The following UBE4B variants were observed in gnomAD, a reference collection of about 807,000 sequenced individuals.
UBE4B encodes the protein ubiquitin conjugation factor E4 B.
Under a neutral mutation model 148.1 loss-of-function variants are expected in UBE4B, and 27 were observed. The observed-to-expected ratio is 0.18, with a 90% CI of 0.13 to 0.25. The LOEUF (loss-of-function observed/expected upper bound fraction) is 0.25. Among genes scored for constraint, UBE4B ranks in the 10% least tolerant of loss-of-function variants. The pLI is 1.00. For synonymous variants in UBE4B, 596 were observed against 619.3 expected (o/e 0.96, Z 0.56); for missense variants, 1,170 against 1,662.4 (o/e 0.70, Z 5.15).
At position 10,106,203 on chromosome 1, in the gene UBE4B, T is replaced by C. The variant is rs1372400729; in HGVS notation, c.816T>C (p.Tyr272=). ...CCTTTCTCAACTAATTTAGCCTCTA[T>C]GAAAGTAGTCCGGCTCCCACTCCCA... ...SFGASSLSSL[Y]ESSPAPTPSF... Residue 272 remains tyrosine (Y), a synonymous_variant, in exon 7 of 28, where the codon TAT becomes TAC. Coordinates refer to ENST00000343090, the MANE Select transcript of UBE4B (RefSeq NM_001105562.3). This position sits in a 1 kb window ranked among gnomAD's most constrained non-coding sequence, Gnocchi z 4.2. 1.3e-6 allele frequency: 2 copies of C among 1,595,526 alleles called. No homozygotes were observed. Among genetic ancestry groups the C allele is most frequent in the African/African-American group, 2.7e-5 (2 of 74,428 alleles).
Position 10,162,249 on chromosome 1 carries a change from CT to C in UBE4B, c.3198+964del, listed in dbSNP as rs552227630. On this transcript the variant is annotated intron_variant, in intron 23 of 27. Transcript: ENST00000343090. ...AGTGCAGTGGCACGATCTCAGCTCA[CT>C]GCAATCTTTGCCTCCTGGGTACAAG... 1.4e-3 allele frequency among the ~76,000 whole-genome samples: 215 copies of C among 152,320 alleles called. 1 individual carries two copies. Among genetic ancestry groups the C allele is most frequent in the African/African-American group, 4.4e-3 (181 of 41,576 alleles).
chr1:10,112,430 C>T (rs1038027741), intron 7 of UBE4B, among the ~76,000 whole-genome samples: 1 of 152,098 alleles, frequency 6.6e-6, no homozygotes, highest in East Asian at 1.9e-4. Flanking sequence ...GACGGAGTCT[C>T]GCTCTGTCTC....
chr1:10,130,227 A>T (rs1212561284), intron 12 of UBE4B, among the ~76,000 whole-genome samples: 2 of 151,592 alleles, frequency 1.3e-5, no homozygotes, highest in Non-Finnish European at 2.9e-5. Context: ...GGCGCACACC[A>T]CCACGCCCGG....
At position 10,085,456 on chromosome 1, in the gene UBE4B, C is replaced by A. The variant is rs577360606; in HGVS notation, c.212-10005C>A. On this transcript the variant is annotated intron_variant, in intron 2 of 27. Coordinates refer to ENST00000343090, the MANE Select transcript of UBE4B (RefSeq NM_001105562.3). ...GTTCAACCCTGACCTGAGGGGAAAG[C>A]CTTTGTGAAGGGTCAGGAGATGTTC... Among the ~76,000 whole-genome samples, 125 of 152,216 alleles carry A rather than the reference C, an allele frequency of 8.2e-4. 1 individual carries two copies. Among genetic ancestry groups the A allele is most frequent in the African/African-American group, 2.7e-3 (113 of 41,536 alleles).
chr1:10,097,702 T>G (rs1442555524), intron 3 of UBE4B, among the ~76,000 whole-genome samples: 1 of 151,934 alleles, frequency 6.6e-6, no homozygotes, highest in Non-Finnish European at 1.5e-5. Context: ...CCCAGCTACT[T>G]TGGAGGCTGA....
chr1:10,051,882 G>A (rs930862791), intron 1 of UBE4B, among the ~76,000 whole-genome samples: 2 of 152,178 alleles, frequency 1.3e-5, no homozygotes, highest in Admixed American at 1.3e-4. Context: ...CTACTCAACA[G>A]CTGCTAAATC....
At chr1:10,147,250 G>C (rs532865335) in intron 19 of UBE4B, among the ~76,000 whole-genome samples, 160 bp downstream of exon 19, 23 of 152,232 alleles carry the variant, frequency 1.5e-4, no homozygotes, top group African/African-American at 4.6e-4. Context: ...CAGCACTTTG[G>C]GGGAGGCTGA....
intron 25 of UBE4B, among the ~76,000 whole-genome samples, chr1:10,175,605 C>T (rs932647795): frequency 2.1e-4 from 32 of 152,044 alleles, no homozygotes; most frequent in South Asian, 6.2e-4. Flanking sequence ...GAGCCGAGAT[C>T]GCGCCACTGC....
At position 10,122,025 on chromosome 1, in the gene UBE4B, C is replaced by G; in HGVS notation, c.1503C>G (p.Phe501Leu). The change falls in exon 10 of 28, where the codon TTC (phenylalanine) becomes TTG (leucine). Residue 501 changes from phenylalanine (F) to leucine (L), a missense_variant. By Grantham distance (22) the Phe-to-Leu change is conservative. Coordinates refer to ENST00000343090, the MANE Select transcript of UBE4B (RefSeq NM_001105562.3). ...TGTGTAGGAATCTCCCATATGGCTT[C>G]ATTCAGGAACTGGTGAGAACCACTC... ...YMLCRNLPYG[F>L]IQELVRTTHQ... 1.2e-6 allele frequency: 2 copies of G among 1,613,814 alleles called. No homozygotes were observed. Among genetic ancestry groups the G allele is most frequent in the Non-Finnish European group, 1.7e-6 (2 of 1,179,916 alleles).
chr1:10,080,871 A>G (rs1644666956), intron 2 of UBE4B, among the ~76,000 whole-genome samples: 1 of 152,176 alleles, frequency 6.6e-6, no homozygotes, highest in Non-Finnish European at 1.5e-5. Context: ...GAACTCATAC[A>G]AATAGACAGT....
intron 25 of UBE4B, among the ~76,000 whole-genome samples, chr1:10,174,394 A>G (rs1446768194): frequency 7.1e-6 from 1 of 140,196 alleles, no homozygotes; most frequent in South Asian, 2.1e-4. Context: ...CTCCATATCA[A>G]AAAAAAAAAA....
rs1248109358 is a variant in UBE4B at position 10,168,572 on chromosome 1, T to C, written c.3333+302T>C. Among the ~76,000 whole-genome samples, 1 of 152,216 alleles carries C rather than the reference T, an allele frequency of 6.6e-6. No individual in the cohort carries two copies. The highest frequency in any genetic ancestry group is 1.5e-5 in the Non-Finnish European group (1 of 68,040). ...TGATGTCATGACATATTTTTACCATTATTGATTCCTATATTTTACTTATAG... is the reference window on the plus strand; with the variant it reads ...TGATGTCATGACATATTTTTACCATCATTGATTCCTATATTTTACTTATAG... On this transcript the variant is annotated intron_variant, in intron 24 of 27. Transcript: ENST00000343090. This position sits in a 1 kb window ranked among gnomAD's most constrained non-coding sequence, Gnocchi z 4.9.
chr1:10,034,814 C>G (rs1420141141), intron 1 of UBE4B, among the ~76,000 whole-genome samples: 1 of 152,194 alleles, frequency 6.6e-6, no homozygotes, highest in African/African-American at 2.4e-5. Flanking sequence ...GGAAAGGAAG[C>G]AAATGATTTT....
chr1:10,038,205 G>A (rs572240181), intron 1 of UBE4B, among the ~76,000 whole-genome samples: 4 of 150,258 alleles, frequency 2.7e-5, no homozygotes, highest in South Asian at 2.1e-4. Flanking sequence ...GCTTGAACCC[G>A]GGAGGCGGAG....
At chr1:10,113,558 G>A (rs565002711) in intron 7 of UBE4B, among the ~76,000 whole-genome samples, 19 of 152,274 alleles carry the variant, frequency 1.2e-4, no homozygotes, top group African/African-American at 3.9e-4. Context: ...GTGAGTGCAC[G>A]GTTTGTGAAA....
At position 10,137,051 on chromosome 1, in the gene UBE4B, A is replaced by T; in HGVS notation, c.2225-16A>T. 6.2e-7 allele frequency: 1 copy of T among 1,614,024 alleles called. No homozygotes were observed. The highest frequency in any genetic ancestry group is 1.1e-5 in the South Asian group (1 of 91,074). On this transcript the variant is annotated splice_polypyrimidine_tract_variant and intron_variant, in intron 16 of 27. Transcript: ENST00000343090. ...TGTAATAGATTTTATTTAGGGAATG[A>T]TGTTATTTTTCCTAGATGGCGATCA... is the stretch of plus-strand genomic sequence containing the variant.
At position 10,106,886 on chromosome 1, in the gene UBE4B, A is replaced by G. The variant is rs1645121956; in HGVS notation, c.1196+303A>G. On this transcript the variant is annotated intron_variant, in intron 7 of 27. Transcript: ENST00000343090. This position sits in a 1 kb window ranked among gnomAD's most constrained non-coding sequence, Gnocchi z 4.2. ...TGTTGCCAGTGGTAGTTGAAATGCT[A>G]TCAGACCAAGCAGGTGTGGGAGCAA... is the stretch of plus-strand genomic sequence containing the variant. Among the ~76,000 whole-genome samples the G allele has an allele frequency of 6.6e-6, 1 of 152,086 alleles. No homozygotes were observed. The highest frequency in any genetic ancestry group is 1.5e-5 in the Non-Finnish European group (1 of 68,016).
At chr1:10,074,697 T>A (rs1276810046) in intron 2 of UBE4B, among the ~76,000 whole-genome samples, 1 of 152,232 alleles carries the variant, frequency 6.6e-6, no homozygotes, top group Non-Finnish European at 1.5e-5. Flanking sequence ...CTGGTTTTCA[T>A]GCATTCTCTG....
intron 2 of UBE4B, among the ~76,000 whole-genome samples, chr1:10,083,004 CT>C (rs1191921347): frequency 1.1e-4 from 17 of 152,098 alleles, no homozygotes; most frequent in Admixed American, 6.6e-5. Context: ...TTTTTTACGG[CT>C]GCATAGTATT....
Sources: allele counts gnomAD v4.1 joint callset (sites outside exome capture counted in the v4.1 genomes callset), GRCh38; gene constraint gnomAD v4.1.1; non-coding constraint Gnocchi (gnomAD v3.1); transcripts MANE v1.5; gene names NCBI Gene and HGNC (gene_info 2026-07-23, HGNC 2026-07-21).